The following MGRN1 variants were observed in gnomAD, a reference collection of about 807,000 sequenced individuals.
MGRN1 encodes mahogunin ring finger 1, also known as E3 ubiquitin-protein ligase MGRN1.
In MGRN1, 29 loss-of-function variants were observed where a neutral mutation model predicts 69.2. That is an observed-to-expected ratio of 0.42 (90% CI 0.31 to 0.57). MGRN1 has a LOEUF of 0.57. Among genes scored for constraint, MGRN1 ranks in the 20% least tolerant of loss-of-function variants. The pLI, the probability that MGRN1 is intolerant of heterozygous loss-of-function variation, is 0.15. For synonymous variants in MGRN1, 470 were observed against 344.2 expected, an observed-to-expected ratio of 1.37 and a Z score of -4.04; for missense variants, 998 against 796.2, an observed-to-expected ratio of 1.25 and a Z score of -3.05.
chr16:4,678,689 C>G (rs965253404), intron 11 of MGRN1, among the ~76,000 whole-genome samples: 4 of 152,216 alleles, frequency 2.6e-5, no homozygotes, highest in African/African-American at 9.6e-5. Context: ...AGGCCCCCTG[C>G]TCCCCACTGG....
rs1019269203 is a variant in MGRN1 at position 4,685,582 on chromosome 16, C to T, written c.1618+1650C>T. Among the ~76,000 whole-genome samples the T allele has an allele frequency of 1.2e-4, 18 of 152,260 alleles. 1 individual carries two copies. The highest frequency in any genetic ancestry group is 4.1e-4 in the South Asian group (2 of 4,834). On this transcript the variant is annotated intron_variant, in intron 16 of 16. Transcript: ENST00000262370. ...CTGAATGCCAGCAGGTCAGCCTGCA[C>T]GGCCTCAGTTCTGAGCCACGGAGAG...
intron 8 of MGRN1, 182 bp from the exon 9 acceptor site, chr16:4,671,209 C>G (rs1567220763): frequency 4.9e-6 from 3 of 613,454 alleles, no homozygotes; most frequent in Non-Finnish European, 2.9e-6. Context: ...CCAGGTGCTG[C>G]TGGTTGGGTG....
At chr16:4,657,514 G>C in intron 5 of MGRN1, 151 bp downstream of exon 5, 1 of 769,796 alleles carries the variant, frequency 1.3e-6, no homozygotes, top group Non-Finnish European at 2.1e-6. Context: ...TCAGGTGGAC[G>C]TGTGGATGGG....
intron 1 of MGRN1, among the ~76,000 whole-genome samples, chr16:4,625,832 G>C (rs1431252256): frequency 6.6e-6 from 1 of 152,198 alleles, no homozygotes; most frequent in African/African-American, 2.4e-5. Context: ...CTCCTCGTGG[G>C]GTTCTTTGTG....
intron 1 of MGRN1, among the ~76,000 whole-genome samples, chr16:4,627,564 G>T (rs1897742532): frequency 2.0e-5 from 3 of 152,198 alleles, no homozygotes; most frequent in African/African-American, 4.8e-5. Flanking sequence ...AAGGCGGGCG[G>T]ATCACAAGGT....
rs760023418 is a variant in MGRN1 at position 4,625,029 on chromosome 16, T to C, written c.69T>C (p.Tyr23=). The C allele has an allele frequency of 1.3e-6, 2 of 1,553,532 alleles. No individual in the cohort carries two copies. Among genetic ancestry groups the C allele is most frequent in the East Asian group, 2.7e-5 (1 of 37,352 alleles). ...EDIDIQANSA[Y]RYPPKSGNYF... ...TCGACATCCAGGCGAACTCGGCCTA[T>C]CGCTACCCTCCGAAGTCCGGTGAGC... The change falls in exon 1 of 17, where the codon TAT becomes TAC. Residue 23 remains tyrosine, a synonymous_variant. Coordinates refer to ENST00000262370, the MANE Select transcript of MGRN1 (RefSeq NM_015246.4).
intron 8 of MGRN1, among the ~76,000 whole-genome samples, chr16:4,668,877 C>G (rs1021618033): frequency 1.3e-5 from 2 of 152,150 alleles, no homozygotes; most frequent in African/African-American, 2.4e-5. Context: ...TATACTCATA[C>G]ACATATACAT....
At chr16:4,666,493 C>G (rs893408393) in intron 7 of MGRN1, among the ~76,000 whole-genome samples, 2 of 152,190 alleles carry the variant, frequency 1.3e-5, no homozygotes, top group South Asian at 4.1e-4. Flanking sequence ...CTGAGGCCAG[C>G]CCTGTAGAAT....
rs13335829 is a variant in MGRN1, at chr16:4,642,526, C to G, written c.89-7839C>G. 7.1e-3 allele frequency among the ~76,000 whole-genome samples: 1,051 copies of G among 149,076 alleles called. 17 individuals carry two copies. Among genetic ancestry groups the G allele is most frequent in the African/African-American group, 0.026 (1,008 of 39,400 alleles). ...TTTTTAGTAGAGATGGGGGTTTCACCTTGTTGCCAGACTGGTCTTAAACTC... is the reference window on the plus strand; with the variant it reads ...TTTTTAGTAGAGATGGGGGTTTCACGTTGTTGCCAGACTGGTCTTAAACTC... On this transcript the variant is annotated intron_variant, in intron 1 of 16. Coordinates refer to ENST00000262370, the MANE Select transcript of MGRN1 (RefSeq NM_015246.4).
intron 1 of MGRN1, among the ~76,000 whole-genome samples, chr16:4,631,166 C>T (rs953761085): frequency 2.6e-5 from 4 of 152,090 alleles, no homozygotes; most frequent in African/African-American, 9.7e-5. Flanking sequence ...GATCTAAACC[C>T]CCCTTTTTTG....
At chr16:4,685,162 G>C (rs781400339) in intron 16 of MGRN1, among the ~76,000 whole-genome samples, 5 of 152,248 alleles carry the variant, frequency 3.3e-5, no homozygotes, top group Admixed American at 3.3e-4. Context: ...ATTCGAGTAA[G>C]GTCTTTCAGA....
chr16:4,675,666 G>A (rs2079038070), intron 10 of MGRN1, among the ~76,000 whole-genome samples: 1 of 151,876 alleles, frequency 6.6e-6, no homozygotes, highest in African/African-American at 2.4e-5. Flanking sequence ...GGGAGGTTGA[G>A]GGTGCAGTGA....
rs753220982 is a variant in MGRN1, at chr16:4,673,507, G to A, written c.805G>A (p.Asp269Asn). The change falls in exon 10 of 17, where the codon GAC (aspartate) becomes AAC (asparagine). Residue 269 changes from aspartate (D) to asparagine (N), a missense_variant. Coordinates refer to ENST00000262370, the MANE Select transcript of MGRN1 (RefSeq NM_015246.4). ...GCCCTTGTCCCGGCAGCCCTCGGAC[G>A]ACGAGAACAGCGACAACAGCAACGA... The part of the protein sequence containing the change: ...KNNQETKPSD[D>N]ENSDNSNECV... The A allele has an allele frequency of 1.6e-5, 26 of 1,612,648 alleles. No homozygotes were observed. Among genetic ancestry groups the A allele is most frequent in the South Asian group, 6.6e-5 (6 of 91,078 alleles).
At chr16:4,646,076 C>T (rs547012678) in intron 1 of MGRN1, among the ~76,000 whole-genome samples, 5 of 152,082 alleles carry the variant, frequency 3.3e-5, no homozygotes, top group East Asian at 3.9e-4. Context: ...TCCTACCTTA[C>T]GGTGAGGGTC....
In MGRN1 at chr16:4,673,638, C is replaced by G. The variant is rs2078989749; in HGVS notation, c.936C>G (p.Asn312Lys). 6.2e-7 allele frequency: 1 copy of G among 1,613,236 alleles called. No individual in the cohort carries two copies. Among genetic ancestry groups the G allele is most frequent in the African/African-American group, 1.3e-5 (1 of 75,042 alleles). Residue 312 changes from asparagine (N) to lysine (K), a missense_variant, in exon 10 of 17, where the codon AAC becomes AAG. Asn to Lys is a moderately conservative substitution (Grantham distance 94). Coordinates refer to ENST00000262370, the MANE Select transcript of MGRN1 (RefSeq NM_015246.4). Reference sequence around the variant, plus strand: ...ACACGCTGCGCTACCAGGCCAACAACTGCCCCATCTGCCGGCTGCGTGAGT... The same window carrying G: ...ACACGCTGCGCTACCAGGCCAACAAGTGCCCCATCTGCCGGCTGCGTGAGT... ...CADTLRYQAN[N>K]CPICRLPFRA... is the part of the protein sequence containing the mutation.
At chr16:4,637,946 C>A (rs768541167) in intron 1 of MGRN1, among the ~76,000 whole-genome samples, 25 of 152,344 alleles carry the variant, frequency 1.6e-4, no homozygotes, top group Admixed American at 5.2e-4. Flanking sequence ...GCTTATGCCC[C>A]CTCCGTGCCC....
At chr16:4,657,480 G>T (rs1018749461) in intron 5 of MGRN1, 117 bp downstream of exon 5, 11 of 980,846 alleles carry the variant, frequency 1.1e-5, no homozygotes, top group Non-Finnish European at 1.7e-5. Flanking sequence ...CATAAGACCT[G>T]GGAACGGCCG....
chr16:4,633,709 A>T (rs1021279915), intron 1 of MGRN1: 35 of 150,186 alleles, frequency 2.3e-4, no homozygotes, highest in African/African-American at 8.8e-4. Flanking sequence ...ATATCTATCA[A>T]TAAAAAAAAT....
chr16:4,674,621 C>CTTTTTTTTT (rs2079014394), intron 10 of MGRN1, among the ~76,000 whole-genome samples: 4 of 59,794 alleles, frequency 6.7e-5, no homozygotes, highest in Admixed American at 2.0e-4. Context: ...CTTTTCTTTT[C>CTTTTTTTTT]TTTTCTTTTT....
Sources: allele counts gnomAD v4.1 joint callset (sites outside exome capture counted in the v4.1 genomes callset), GRCh38; gene constraint gnomAD v4.1.1; transcripts MANE v1.5; gene names NCBI Gene and HGNC (gene_info 2026-07-23, HGNC 2026-07-21).